GABRG3: variants seen among roughly 807,000 people sequenced by gnomAD.
GABRG3 encodes gamma-aminobutyric acid type A receptor subunit gamma3, also known as gamma-aminobutyric acid receptor subunit gamma-3.
GABRG3 carries 25 observed loss-of-function variants against 48.8 expected under a neutral mutation model. The ratio of observed to expected loss-of-function variants is 0.51; its 90% CI spans 0.37 to 0.72. The LOEUF is 0.72. GABRG3 is among the 30% of genes least tolerant of loss of function. The pLI, the probability that GABRG3 is intolerant of heterozygous loss-of-function variation, is 0.00. For synonymous variants in GABRG3, 227 were observed against 217.6 expected (o/e 1.04, Z -0.38); for missense variants, 394 against 577.9 (o/e 0.68, Z 3.26).
At chr15:27,507,400 A>G (rs1322857501) in intron 6 of GABRG3, among the ~76,000 whole-genome samples, 1 of 152,154 alleles carries the variant, frequency 6.6e-6, no homozygotes, top group Non-Finnish European at 1.5e-5. Context: ...GCTACTCAGG[A>G]GGCTGAGGTA....
intron 6 of GABRG3, among the ~76,000 whole-genome samples, chr15:27,491,741 A>C (rs1890359891): frequency 6.6e-6 from 1 of 152,228 alleles, no homozygotes; most frequent in African/African-American, 2.4e-5. Context: ...CCAGTAAAAA[A>C]GTGTGATCAG....
chr15:27,312,290 A>T (rs1161533439), intron 3 of GABRG3, among the ~76,000 whole-genome samples: 1 of 152,126 alleles, frequency 6.6e-6, no homozygotes, highest in Non-Finnish European at 1.5e-5. Flanking sequence ...AAGAGTAAAG[A>T]AAGCTTCAAG....
At chr15:27,306,247 T>A (rs913019047) in intron 3 of GABRG3, among the ~76,000 whole-genome samples, 4 of 131,248 alleles carry the variant, frequency 3.0e-5, no homozygotes, top group South Asian at 2.3e-4. Context: ...ATAAACATAA[T>A]ATAAACATGT....
intron 7 of GABRG3, among the ~76,000 whole-genome samples, chr15:27,525,832 A>G (rs892933457): frequency 6.6e-6 from 1 of 152,152 alleles, no homozygotes; most frequent in Non-Finnish European, 1.5e-5. Context: ...ACATTAGGGA[A>G]AAGAGCTAAT....
At chr15:27,200,499 G>A (rs776472449) in intron 3 of GABRG3, among the ~76,000 whole-genome samples, 10 of 152,234 alleles carry the variant, frequency 6.6e-5, no homozygotes, top group African/African-American at 9.6e-5. Context: ...ATGCAACCTC[G>A]CCTCTCCAGG....
intron 5 of GABRG3, among the ~76,000 whole-genome samples, chr15:27,425,448 CAAAAAAAAA>C (rs57986546): frequency 5.1e-5 from 4 of 77,880 alleles, no homozygotes; most frequent in African/African-American, 1.6e-4. Context: ...ACTAAAAATA[CAAAAAAAAA>C]AAAAAAAAAT....
intron 3 of GABRG3, among the ~76,000 whole-genome samples, chr15:27,226,272 T>C (rs553315890): frequency 1.3e-5 from 2 of 152,178 alleles, no homozygotes; most frequent in East Asian, 3.9e-4. Flanking sequence ...CACTGCAGCA[T>C]CCAGGAACTC....
At chr15:27,177,098 G>A (rs1173352907) in intron 3 of GABRG3, among the ~76,000 whole-genome samples, 1 of 152,080 alleles carries the variant, frequency 6.6e-6, no homozygotes, top group Non-Finnish European at 1.5e-5. Context: ...TGATGTGCAG[G>A]GGGCTAGAGA....
intron 3 of GABRG3, among the ~76,000 whole-genome samples, chr15:27,133,310 G>A (rs951516893): frequency 1.3e-5 from 2 of 152,078 alleles, no homozygotes; most frequent in African/African-American, 4.8e-5. Context: ...TTAAACATGT[G>A]TCCTGAATTA....
At chr15:27,485,271 T>G (rs886765841) in intron 6 of GABRG3, among the ~76,000 whole-genome samples, 10 of 151,964 alleles carry the variant, frequency 6.6e-5, no homozygotes, top group Non-Finnish European at 1.2e-4. Context: ...AGTCAATAAT[T>G]AAAATACCTA....
chr15:27,240,778 CTAT>C (rs543223917), intron 3 of GABRG3, among the ~76,000 whole-genome samples: 33 of 152,240 alleles, frequency 2.2e-4, no homozygotes, highest in African/African-American at 6.7e-4. Flanking sequence ...AGTGTATTTT[CTAT>C]TATTATGATA....
rs973850297 is a variant in GABRG3 at position 27,541,629 on chromosome 15, C to G, written c.*8748C>G. 2 of 152,338 alleles carry G rather than the reference C, an allele frequency of 1.3e-5. No individual in the cohort carries two copies. Among genetic ancestry groups the G allele is most frequent in the African/African-American group, 4.8e-5 (2 of 41,466 alleles). The allele number at this position is 152,338 out of a possible 1,614,324, so 9.4% of individuals were successfully genotyped here. ...GCGCCCTGCCCCAGTGCGTGCGCCT[C>G]CTGCCCCAGCAGGGACCCGCCCTCA... On this transcript the variant is annotated 3_prime_UTR_variant, in exon 10 of 10. Coordinates refer to ENST00000615808, the MANE Select transcript of GABRG3 (RefSeq NM_033223.5).
chr15:27,467,587 T>A (rs1048612061), intron 5 of GABRG3, among the ~76,000 whole-genome samples: 6 of 152,240 alleles, frequency 3.9e-5, no homozygotes, highest in African/African-American at 1.4e-4. Flanking sequence ...CTATGTTGTT[T>A]TATGTTGATA....
At chr15:27,268,443 A>T (rs916684746) in intron 3 of GABRG3, among the ~76,000 whole-genome samples, 1 of 152,062 alleles carries the variant, frequency 6.6e-6, no homozygotes, top group Non-Finnish European at 1.5e-5. Flanking sequence ...CTGGATATAG[A>T]TTTGTCAATT....
chr15:27,062,177 C>T (rs1313683112), intron 3 of GABRG3, among the ~76,000 whole-genome samples: 1 of 152,072 alleles, frequency 6.6e-6, no homozygotes, highest in Admixed American at 6.6e-5. Context: ...GCTGTGCAAA[C>T]GGGGACTCCC....
At chr15:27,166,061 T>G (rs1375649415) in intron 3 of GABRG3, among the ~76,000 whole-genome samples, 1 of 152,128 alleles carries the variant, frequency 6.6e-6, no homozygotes. Context: ...TGGCTCTGAT[T>G]ACGTCTTTAG....
intron 4 of GABRG3, among the ~76,000 whole-genome samples, chr15:27,328,129 C>CA (rs34834839): frequency 0.023 from 3,155 of 139,478 alleles, 62 homozygotes; most frequent in African/African-American, 0.049. Context: ...AAAAAAAAAC[C>CA]AAAAAAAAAA....
intron 3 of GABRG3, among the ~76,000 whole-genome samples, chr15:27,281,898 G>T: frequency 6.6e-6 from 1 of 151,562 alleles, no homozygotes; most frequent in African/African-American, 2.4e-5. Context: ...CTTTCTGTTT[G>T]ATAAATTTTA....
At chr15:27,461,533 T>A (rs887863826) in intron 5 of GABRG3, among the ~76,000 whole-genome samples, 1 of 152,142 alleles carries the variant, frequency 6.6e-6, no homozygotes, top group Non-Finnish European at 1.5e-5. Flanking sequence ...ACAACAAAGC[T>A]TACACAGCAT....
Sources: gnomAD v4.1 joint callset for allele counts (sites outside exome capture counted in the v4.1 genomes callset) on GRCh38, gnomAD v4.1.1 for gene constraint, MANE v1.5 for transcripts, NCBI Gene and HGNC (gene_info 2026-07-23, HGNC 2026-07-21) for gene names.